BUB1: variants seen among roughly 807,000 people sequenced by gnomAD.
BUB1 encodes BUB1 mitotic checkpoint serine/threonine kinase, also known as mitotic checkpoint serine/threonine-protein kinase BUB1.
BUB1 carries 84 observed loss-of-function variants against 135.2 expected under a neutral mutation model. That is an observed-to-expected ratio of 0.62 (90% confidence interval 0.52 to 0.74). The LOEUF is 0.74. Among genes scored for constraint, BUB1 ranks in the 30% least tolerant of loss-of-function variants. BUB1 has a pLI of 0.00. For synonymous variants in BUB1, 403 were observed against 434.4 expected (o/e 0.93, Z 0.90); for missense variants, 1,162 against 1,288.3 (o/e 0.90, Z 1.50).
intron 10 of BUB1, chr2:110,661,309 T>G (rs1294513515): frequency 2.4e-6 from 1 of 412,284 alleles, no homozygotes; most frequent in Non-Finnish European, 4.4e-6. Flanking sequence ...CTGTATATTC[T>G]TCAGTTACAA....
At chr2:110,661,452 ATACC>A in intron 10 of BUB1, 126 bp downstream of exon 10, 3 of 1,192,388 alleles carry the variant, frequency 2.5e-6, no homozygotes. Context: ...TTTCAACAAC[ATACC>A]TATCTAAAAA....
Position 110,677,950 on chromosome 2 carries a change from C to G in BUB1, c.26+20G>C, listed in dbSNP as rs1188040871. The G allele has an allele frequency of 6.2e-7, 1 of 1,606,298 alleles. No homozygotes were observed. The highest frequency in any genetic ancestry group is 8.5e-7 in the Non-Finnish European group (1 of 1,176,826). The stretch of plus-strand genomic sequence containing the variant: ...GCCCCAGCCCCCTGGGCTTCCCCAC[C>G]CCACCAGACGGACACTTACTGAAGG... On this transcript the variant is annotated intron_variant, in intron 1 of 24. Coordinates refer to ENST00000302759, the MANE Select transcript of BUB1 (RefSeq NM_004336.5).
At position 110,637,977 on chromosome 2, in the gene BUB1, C is replaced by T. The variant is rs748999502; in HGVS notation, c.3245G>A (p.Arg1082His). The change falls in exon 25 of 25, where the codon CGT becomes CAT. Residue 1082 changes from arginine to histidine, a missense_variant. By Grantham distance (29) the Arg-to-His change is conservative. Coordinates refer to ENST00000302759, the MANE Select transcript of BUB1 (RefSeq NM_004336.5). ...TATATCCAAATTTTATTTTCGTGAA[C>T]GCTTACATTCTAAGAGCAGTACAAT... ...RLIVLLLECK[R>H]SRK 1.4e-5 allele frequency: 21 copies of T among 1,494,644 alleles called. No homozygotes were observed. Among genetic ancestry groups the T allele is most frequent in the South Asian group, 2.8e-5 (2 of 71,918 alleles). 92.6% of individuals were successfully genotyped at this position (1,494,644 alleles called of 1,614,324 possible).
At chr2:110,658,860 A>T in intron 11 of BUB1, 118 bp from the exon 12 acceptor site, 1 of 1,294,368 alleles carries the variant, frequency 7.7e-7, no homozygotes, top group South Asian at 1.4e-5. Flanking sequence ...AATTATCACT[A>T]AGAATTTCCA....
intron 6 of BUB1, 151 bp from the exon 7 acceptor site, chr2:110,668,000 A>G: frequency 1.5e-6 from 1 of 670,968 alleles, no homozygotes. Context: ...ATTAATATCA[A>G]AAGATTGTTT....
chr2:110,656,362 T>C, intron 15 of BUB1, among the ~76,000 whole-genome samples: 1 of 152,176 alleles, frequency 6.6e-6, no homozygotes, highest in Non-Finnish European at 1.5e-5. Flanking sequence ...CAATCCAGGA[T>C]CCCATGTCAC....
intron 10 of BUB1, chr2:110,660,963 A>G (rs527513373): frequency 1.1e-4 from 17 of 152,298 alleles, no homozygotes; most frequent in Middle Eastern, 3.2e-3. Context: ...GTTAAGGTAT[A>G]AAGTAAAACA....
At chr2:110,661,980 T>C in intron 9 of BUB1, 139 bp from the exon 10 acceptor site, 1 of 991,108 alleles carries the variant, frequency 1.0e-6, no homozygotes, top group Non-Finnish European at 1.5e-6. Flanking sequence ...ATACTCCTTC[T>C]TCAAGCATTC....
At chr2:110,670,618 A>C in intron 4 of BUB1, 50 bp from the exon 5 acceptor site, 1 of 1,578,312 alleles carries the variant, frequency 6.3e-7, no homozygotes, top group Non-Finnish European at 8.7e-7. Context: ...CTTACAGTAC[A>C]TAGCTGTTAG....
chr2:110,637,999 CA>C lies in BUB1; in HGVS notation c.3222del (p.Ile1074MetfsTer5). On this transcript the variant is annotated frameshift_variant, in exon 25 of 25. Coordinates refer to ENST00000302759, the MANE Select transcript of BUB1 (RefSeq NM_004336.5). LOFTEE classifies it high-confidence loss of function. ...NKIRALRNRLIVLLLECKRSR... is the reference protein window; with the variant it reads ...NKIRALRNRLXVLLLECKRSR... ...GAACGCTTACATTCTAAGAGCAGTA[CA>C]ATTAGCCTATTACGTAGGGCCCTAA... 1 of 1,572,364 alleles carries C rather than the reference CA, an allele frequency of 6.4e-7. No homozygotes were observed. The highest frequency in any genetic ancestry group is 8.6e-7 in the Non-Finnish European group (1 of 1,160,684).
intron 4 of BUB1, 72 bp downstream of exon 4, chr2:110,672,589 G>A (rs1690451189): frequency 6.9e-7 from 1 of 1,438,918 alleles, no homozygotes; most frequent in Non-Finnish European, 9.4e-7. Flanking sequence ...AATTGCTAAT[G>A]ATACAATTTT....
At chr2:110,670,820 T>C (rs1048572006) in intron 4 of BUB1, among the ~76,000 whole-genome samples, 1 of 152,206 alleles carries the variant, frequency 6.6e-6, no homozygotes, top group Non-Finnish European at 1.5e-5. Flanking sequence ...ATTTCTCAAA[T>C]TCATATAAAA....
intron 19 of BUB1, among the ~76,000 whole-genome samples, chr2:110,645,972 A>T (rs1481224119): frequency 6.6e-6 from 1 of 152,054 alleles, no homozygotes; most frequent in African/African-American, 2.4e-5. Flanking sequence ...GAAAACTAAT[A>T]CAACTACAAG....
In BUB1 at chr2:110,649,699, T is replaced by G. The variant is rs1689730683; in HGVS notation, c.2204-322A>C. Among the ~76,000 whole-genome samples, 4 of 152,152 alleles carry G rather than the reference T, an allele frequency of 2.6e-5. No homozygotes were observed. In the South Asian group the frequency reaches 8.3e-4, roughly 32 times the overall value. On this transcript the variant is annotated intron_variant, in intron 18 of 24. Transcript: ENST00000302759. ...TTTAACACAATTAGGGATACATGTC[T>G]TAAGGGCAGATGTGGACATTAGTTA...
Position 110,667,579 on chromosome 2 carries a change from A to G in BUB1, c.747T>C (p.Phe249=). The G allele has an allele frequency of 1.2e-6, 2 of 1,614,042 alleles. No individual in the cohort carries two copies. Residue 249 remains phenylalanine, a synonymous_variant, in exon 8 of 25, where the codon TTT becomes TTC. Transcript: ENST00000302759. ...TCTGGGCTCTCAATTCTTCAAAGGA[A>G]AATTCTGATTCCCCACGAATAAGCT... The part of the protein sequence containing the change: ...KEKLIRGESE[F]SFEELRAQKY...
intron 6 of BUB1, among the ~76,000 whole-genome samples, chr2:110,669,242 T>C (rs1690352277): frequency 6.6e-6 from 1 of 152,136 alleles, no homozygotes; most frequent in Admixed American, 6.5e-5. Context: ...TGAGGGCCTC[T>C]GGGTTAGACA....
chr2:110,665,881 C>T (rs1380718546), intron 9 of BUB1: 1 of 158,412 alleles, frequency 6.3e-6, no homozygotes, highest in Middle Eastern at 2.9e-3. Flanking sequence ...CTCTAACACA[C>T]TCATCACTTC....
In BUB1 at chr2:110,661,603, G is replaced by A. The variant is rs1690097508; in HGVS notation, c.1196C>T (p.Ala399Val). ...TTACCCAGCATCTTTGCTGGCCACT[G>A]CAAACATGGAGTCTGTTACTGTCTG... is the stretch of plus-strand genomic sequence containing the variant. ...KAQTVTDSMF[A>V]VASKDAGCVN... Residue 399 changes from alanine to valine, a missense_variant, in exon 10 of 25, where the codon GCA becomes GTA. Physicochemically the swap from Ala to Val is moderately conservative, Grantham distance 64. Transcript: ENST00000302759. 6.2e-7 allele frequency: 1 copy of A among 1,614,108 alleles called. No individual in the cohort carries two copies.
intron 6 of BUB1, among the ~76,000 whole-genome samples, chr2:110,668,647 T>C (rs943273210): frequency 6.6e-6 from 1 of 152,070 alleles, no homozygotes; most frequent in Non-Finnish European, 1.5e-5. Flanking sequence ...AAGAGAGACT[T>C]GAGCATTTTC....
Sources: gnomAD v4.1 joint callset for allele counts (sites outside exome capture counted in the v4.1 genomes callset) on GRCh38, gnomAD v4.1.1 for gene constraint, MANE v1.5 for transcripts, NCBI Gene and HGNC (gene_info 2026-07-23, HGNC 2026-07-21) for gene names.